Variants in TMEM116 observed in about 807,000 individuals in gnomAD.
TMEM116 encodes the protein transmembrane protein 116.
In TMEM116, 38 loss-of-function variants were observed where a neutral mutation model predicts 44.3. That is an observed-to-expected ratio of 0.86 (90% CI 0.66 to 1.12). TMEM116 has a LOEUF of 1.12. TMEM116 is among the 50% of genes most tolerant of loss of function. TMEM116 has a pLI of 0.00. For synonymous variants in TMEM116, 132 were observed against 144.8 expected, an observed-to-expected ratio of 0.91 and a Z score of 0.64; for missense variants, 354 against 401.7, an observed-to-expected ratio of 0.88 and a Z score of 1.01.
chr12:111,950,633 A>G (rs1234929741), intron 4 of TMEM116, among the ~76,000 whole-genome samples: 1 of 152,212 alleles, frequency 6.6e-6, no homozygotes, highest in East Asian at 1.9e-4. Context: ...AGCCATATGC[A>G]GAAGATTGAA....
chr12:111,958,924 T>G (rs1035980041), intron 4 of TMEM116, among the ~76,000 whole-genome samples: 3 of 152,118 alleles, frequency 2.0e-5, no homozygotes, highest in Admixed American at 6.5e-5. Flanking sequence ...AAAATACTCT[T>G]CAGGATATTA....
intron 4 of TMEM116, among the ~76,000 whole-genome samples, chr12:111,967,213 A>C (rs1325915524): frequency 6.6e-6 from 1 of 152,216 alleles, no homozygotes; most frequent in Non-Finnish European, 1.5e-5. Context: ...TAAATATAAA[A>C]ACAACTTCCT....
intron 4 of TMEM116, among the ~76,000 whole-genome samples, chr12:111,968,908 G>A (rs959463902): frequency 2.7e-5 from 4 of 146,218 alleles, no homozygotes; most frequent in Admixed American, 2.2e-4. Context: ...CAGGAGAATC[G>A]CTTCAACTCG....
At chr12:111,977,027 G>C (rs1440958206) in intron 4 of TMEM116, among the ~76,000 whole-genome samples, 3 of 152,038 alleles carry the variant, frequency 2.0e-5, no homozygotes, top group Non-Finnish European at 4.4e-5. Flanking sequence ...GGAGAAGAAA[G>C]AGCAAAAGAA....
intron 8 of TMEM116, chr12:111,934,756 C>CA (rs1162432786): frequency 1.1e-3 from 146 of 127,218 alleles, no homozygotes; most frequent in Non-Finnish European, 1.3e-3. Context: ...GACACCGTCT[C>CA]AAAAAAAAAA....
chr12:111,999,202 C>T (rs1565963349), intron 3 of TMEM116, among the ~76,000 whole-genome samples: 1 of 151,484 alleles, frequency 6.6e-6, no homozygotes, highest in Non-Finnish European at 1.5e-5. Flanking sequence ...AAAAAACCCA[C>T]ATATATATAC....
At chr12:111,960,920 T>C (rs975545988) in intron 4 of TMEM116, among the ~76,000 whole-genome samples, 5 of 152,004 alleles carry the variant, frequency 3.3e-5, no homozygotes, top group Non-Finnish European at 7.4e-5. Flanking sequence ...ATAAAATAGA[T>C]AGACCACTAG....
intron 4 of TMEM116, among the ~76,000 whole-genome samples, chr12:111,957,389 C>A (rs564075446): frequency 6.7e-6 from 1 of 150,196 alleles, no homozygotes; most frequent in East Asian, 2.0e-4. Flanking sequence ...CCCCTCCGCC[C>A]GGCAGCCGCC....
intron 4 of TMEM116, among the ~76,000 whole-genome samples, chr12:111,988,049 T>G (rs1223031272): frequency 6.6e-6 from 1 of 152,144 alleles, no homozygotes; most frequent in African/African-American, 2.4e-5. Flanking sequence ...CTTAAAGACA[T>G]GCTAAGTGAA....
intron 4 of TMEM116, among the ~76,000 whole-genome samples, chr12:111,950,146 A>C (rs531146417): frequency 4.0e-5 from 6 of 148,730 alleles, no homozygotes; most frequent in African/African-American, 4.9e-5. Flanking sequence ...CAAAACAAAA[A>C]AAACAACCAA....
At chr12:111,934,115 A>G (rs1156300128) in intron 8 of TMEM116, 85 bp from the exon 9 acceptor site, 1 of 1,435,522 alleles carries the variant, frequency 7.0e-7, no homozygotes, top group Non-Finnish European at 9.4e-7. Context: ...TAAAAAGATT[A>G]TTCTCTTAGA....
intron 3 of TMEM116, among the ~76,000 whole-genome samples, chr12:111,998,939 C>T (rs1276946977): frequency 6.6e-6 from 1 of 152,142 alleles, no homozygotes; most frequent in African/African-American, 2.4e-5. Context: ...GGTTTGCTTG[C>T]ACTCAATTCT....
In TMEM116 at chr12:111,938,210, C is replaced by T. The variant is rs1007543997; in HGVS notation, c.316G>A (p.Val106Met). The T allele has an allele frequency of 2.5e-6, 4 of 1,577,748 alleles. No homozygotes were observed. The highest frequency in any genetic ancestry group is 1.4e-5 in the African/African-American group (1 of 72,628). ...TQSGQSTSPLVIDYTCRVCQM... is the reference protein window; with the variant it reads ...TQSGQSTSPLMIDYTCRVCQM... Reference sequence around the variant, plus strand: ...CAAACTCGACAAGTATAATCTATCACCTGTGAAAAGAATAAATGTGAGAAA... The same window carrying T: ...CAAACTCGACAAGTATAATCTATCATCTGTGAAAAGAATAAATGTGAGAAA... The change falls in exon 6 of 11, where the codon GTG becomes ATG. Residue 106 changes from valine (V) to methionine (M), a missense_variant and splice_region_variant. Val to Met is a conservative substitution (Grantham distance 21). Coordinates refer to ENST00000552374, the MANE Select transcript of TMEM116 (RefSeq NM_001193531.2).
At chr12:112,005,936 C>A (rs1429293995) in intron 1 of TMEM116, 9 of 985,640 alleles carry the variant, frequency 9.1e-6, no homozygotes, top group Non-Finnish European at 1.1e-5. Flanking sequence ...ACAGGGAGAG[C>A]TTCTGACCTT....
chr12:111,978,894 T>C (rs1269742788), intron 4 of TMEM116: 5 of 242,242 alleles, frequency 2.1e-5, no homozygotes, highest in South Asian at 3.9e-5. Context: ...AACTCATCTT[T>C]GATAAAGGAT....
At chr12:111,956,129 C>T (rs2074069207) in intron 4 of TMEM116, among the ~76,000 whole-genome samples, 1 of 152,204 alleles carries the variant, frequency 6.6e-6, no homozygotes, top group Non-Finnish European at 1.5e-5. Context: ...AGTGAAGTGG[C>T]ATAAGCGTGC....
chr12:111,996,782 T>C (rs573716496), intron 3 of TMEM116, among the ~76,000 whole-genome samples: 3 of 152,186 alleles, frequency 2.0e-5, no homozygotes. Context: ...AGAATGCTTA[T>C]AGCAGCATAA....
chr12:111,971,427 C>T (rs1202204529), intron 4 of TMEM116, among the ~76,000 whole-genome samples: 1 of 150,734 alleles, frequency 6.6e-6, no homozygotes, highest in Non-Finnish European at 1.5e-5. Flanking sequence ...TGTGAAGTGG[C>T]ATAATATCAC....
At chr12:111,938,734 G>A (rs1320123335) in intron 5 of TMEM116, among the ~76,000 whole-genome samples, 5 of 152,108 alleles carry the variant, frequency 3.3e-5, no homozygotes, top group Non-Finnish European at 7.4e-5. Context: ...GACACTACAC[G>A]ATAGAACATT....
Sources: gnomAD v4.1 joint callset for allele counts (sites outside exome capture counted in the v4.1 genomes callset) on GRCh38, gnomAD v4.1.1 for gene constraint, MANE v1.5 for transcripts, NCBI Gene and HGNC (gene_info 2026-07-23, HGNC 2026-07-21) for gene names.